The following CALN1 variants were observed in gnomAD, a reference collection of about 807,000 sequenced individuals.
The protein encoded by CALN1 is calneuron 1.
CALN1 carries 17 observed loss-of-function variants against 30.6 expected under a neutral mutation model. The observed-to-expected ratio is 0.56, with a 90% confidence interval of 0.38 to 0.83. CALN1 has a LOEUF of 0.83. CALN1 is among the 40% of genes least tolerant of loss of function. The pLI is 0.00. For missense variants in CALN1, 291 were observed against 354.9 expected, an observed-to-expected ratio of 0.82 and a Z score of 1.45; for synonymous variants, 156 against 131.4, an observed-to-expected ratio of 1.19 and a Z score of -1.28.
chr7:71,903,503 C>T (rs2116956271), intron 5 of CALN1, among the ~76,000 whole-genome samples: 1 of 152,212 alleles, frequency 6.6e-6, no homozygotes, highest in East Asian at 1.9e-4. Context: ...TATCTAAATG[C>T]AGAAGACCGA....
intron 3 of CALN1, among the ~76,000 whole-genome samples, chr7:72,178,092 A>G (rs1789493403): frequency 6.6e-6 from 1 of 152,200 alleles, no homozygotes; most frequent in African/African-American, 2.4e-5. Flanking sequence ...CATTCAACTC[A>G]AATCACATCC....
intron 3 of CALN1, among the ~76,000 whole-genome samples, chr7:72,106,529 G>A (rs1241685998): frequency 6.7e-6 from 1 of 148,556 alleles, no homozygotes; most frequent in Admixed American, 6.8e-5. Flanking sequence ...GAAAATGAGA[G>A]AGGAAGAAAA....
chr7:72,307,670 C>A (rs1799743892), intron 2 of CALN1, among the ~76,000 whole-genome samples: 1 of 152,194 alleles, frequency 6.6e-6, no homozygotes, highest in Admixed American at 6.5e-5. Context: ...CTGGCTGAGC[C>A]TCTGGTGCAG....
intron 5 of CALN1, among the ~76,000 whole-genome samples, chr7:71,942,953 G>A (rs1796212746): frequency 6.6e-6 from 1 of 152,132 alleles, no homozygotes; most frequent in African/African-American, 2.4e-5. Context: ...TCACTTGTCT[G>A]TGACCTGGAA....
chr7:72,336,005 A>T (rs2129558454), intron 2 of CALN1, among the ~76,000 whole-genome samples: 1 of 152,270 alleles, frequency 6.6e-6, no homozygotes, highest in Non-Finnish European at 1.5e-5. Context: ...GGGAAGACGG[A>T]TCCCACCCCC....
chr7:72,023,032 T>C (rs1028943642), intron 5 of CALN1, among the ~76,000 whole-genome samples: 1 of 152,060 alleles, frequency 6.6e-6, no homozygotes, highest in African/African-American at 2.4e-5. Context: ...CTTACGTGAT[T>C]CAAATTTTTT....
chr7:72,247,202 G>A (rs1432066871), intron 3 of CALN1, among the ~76,000 whole-genome samples: 1 of 145,898 alleles, frequency 6.9e-6, no homozygotes, highest in Admixed American at 6.9e-5. Context: ...GGTCTGGCAA[G>A]GGTTTTCAAC....
At chr7:72,262,333 G>C (rs1440892554) in intron 3 of CALN1, among the ~76,000 whole-genome samples, 3 of 152,176 alleles carry the variant, frequency 2.0e-5, no homozygotes, top group Admixed American at 1.3e-4. Context: ...AGGTCTTAGA[G>C]GATCCTGGAT....
chr7:72,343,313 G>T (rs752947769), intron 2 of CALN1, among the ~76,000 whole-genome samples: 1 of 152,096 alleles, frequency 6.6e-6, no homozygotes. Flanking sequence ...ATCCCAGGCC[G>T]ACGCGGGTGG....
intron 6 of CALN1, among the ~76,000 whole-genome samples, chr7:71,797,215 G>A (rs369602832): frequency 1.2e-3 from 187 of 152,250 alleles, no homozygotes; most frequent in African/African-American, 4.3e-3. Context: ...TCCTTGCTCC[G>A]CGACAGACCA....
At position 71,787,871 on chromosome 7, in the gene CALN1, G is replaced by C; in HGVS notation, c.690C>G (p.Cys230Trp). 6.2e-7 allele frequency: 1 copy of C among 1,614,134 alleles called. No individual in the cohort carries two copies. Among genetic ancestry groups the C allele is most frequent in the Non-Finnish European group, 8.5e-7 (1 of 1,180,030 alleles). Residue 230 changes from cysteine (C) to tryptophan (W), a missense_variant, in exon 7 of 7, where the codon TGC (cysteine) becomes TGG (tryptophan). By Grantham distance (215) the Cys-to-Trp change is radical. This residue lies in a region of CALN1 where 169 missense variants were observed against 251.7 expected (regional missense o/e 0.67). Coordinates refer to ENST00000395275, the MANE Select transcript of CALN1 (RefSeq NM_031468.4). ...VHSQKQNRQT[C>W]VRKSLICAFA... ...AGGCGCATATGAGGCTCTTCCGGAC[G>C]CAGGTCTGTCTGTTCTGCTTCTGGG...
intron 3 of CALN1, among the ~76,000 whole-genome samples, chr7:72,117,931 C>T (rs1012747045): frequency 2.2e-4 from 33 of 147,410 alleles, no homozygotes; most frequent in Non-Finnish European, 3.5e-4. Context: ...GTACTCCAGC[C>T]TGGGCGACAG....
Position 72,131,370 on chromosome 7 carries a change from C to T in CALN1, c.245-25076G>A, listed in dbSNP as rs368362735. On this transcript the variant is annotated intron_variant, in intron 3 of 6. Coordinates refer to ENST00000395275, the MANE Select transcript of CALN1 (RefSeq NM_031468.4). Reference sequence around the variant, plus strand: ...TGACTCCATTTGTGAATTGACCTCCCCTGATGATTCAGCACTGAAACGGTG... The same window carrying T: ...TGACTCCATTTGTGAATTGACCTCCTCTGATGATTCAGCACTGAAACGGTG... 1.0e-3 allele frequency among the ~76,000 whole-genome samples: 152 copies of T among 152,174 alleles called. 1 individual carries two copies. In the Middle Eastern group the frequency reaches 0.01, roughly 10 times the overall value.
chr7:72,187,876 T>C (rs1195832765), intron 3 of CALN1, among the ~76,000 whole-genome samples: 2 of 152,176 alleles, frequency 1.3e-5, no homozygotes, highest in Non-Finnish European at 2.9e-5. Flanking sequence ...TTTCTCATTT[T>C]CAAAAACTTA....
At chr7:72,061,532 A>T (rs1354446361) in intron 4 of CALN1, among the ~76,000 whole-genome samples, 1 of 151,982 alleles carries the variant, frequency 6.6e-6, no homozygotes, top group East Asian at 1.9e-4. Context: ...AAAAAAAAAA[A>T]ACAGTAACAG....
intron 5 of CALN1, among the ~76,000 whole-genome samples, chr7:71,985,589 T>C (rs933957891): frequency 4.3e-5 from 6 of 139,064 alleles, no homozygotes; most frequent in Admixed American, 7.0e-5. Flanking sequence ...GTTTTCTTTT[T>C]TTTTTTTTTT....
chr7:72,387,907 A>T (rs1279348575), intron 2 of CALN1, among the ~76,000 whole-genome samples: 1 of 152,184 alleles, frequency 6.6e-6, no homozygotes, highest in Non-Finnish European at 1.5e-5. Flanking sequence ...AGGGGTAGGG[A>T]GAGGCTGGTT....
intron 4 of CALN1, among the ~76,000 whole-genome samples, chr7:72,077,216 C>T (rs12673109): frequency 0.23 from 34,524 of 152,098 alleles, 4,862 homozygotes; most frequent in East Asian, 0.69. Context: ...TTGGAATTCA[C>T]AGTTCTGAAA....
rs71069026 is a variant in CALN1, at chr7:72,115,484, CTTTTTT to C, written c.245-9196_245-9191del. 6.5e-3 allele frequency among the ~76,000 whole-genome samples: 527 copies of C among 80,610 alleles called. 4 individuals carry two copies. The highest frequency in any genetic ancestry group is 0.014 in the Admixed American group (73 of 5,404). 52.9% of individuals were successfully genotyped at this position (80,610 alleles called of 152,430 possible). On this transcript the variant is annotated intron_variant, in intron 3 of 6. Transcript: ENST00000395275. ...GATAAATACATTACACATATACATT[CTTTTTT>C]TTTTTTTTTTTTTTTTTTTGGAGAC...
Sources: allele counts gnomAD v4.1 joint callset (sites outside exome capture counted in the v4.1 genomes callset), GRCh38; gene constraint gnomAD v4.1.1; regional missense constraint gnomAD v4.1.1; transcripts MANE v1.5; gene names NCBI Gene and HGNC (gene_info 2026-07-23, HGNC 2026-07-21).